TBCEL: variants seen among roughly 807,000 people sequenced by gnomAD.
The protein encoded by TBCEL is tubulin folding cofactor E like, also known as tubulin-specific chaperone cofactor E-like protein.
A neutral mutation model predicts 44.2 loss-of-function variants in TBCEL; 15 were observed. That is an observed-to-expected ratio of 0.34 (90% CI 0.23 to 0.52). TBCEL has a LOEUF of 0.52. TBCEL is among the 20% of genes least tolerant of loss of function. TBCEL has a pLI of 0.95. For missense variants in TBCEL, 319 were observed against 506.3 expected (o/e 0.63, Z 3.55); for synonymous variants, 171 against 185.4 (o/e 0.92, Z 0.63).
intron 8 of TBCEL, among the ~76,000 whole-genome samples, chr11:121,069,696 G>A (rs1945888963): frequency 1.3e-5 from 2 of 152,112 alleles, no homozygotes; most frequent in Non-Finnish European, 2.9e-5. Context: ...AGAGACTGAG[G>A]CAGGATAATC....
chr11:121,053,695 T>G lies in TBCEL; in HGVS notation c.418T>G (p.Trp140Gly), dbSNP rs754306355. The G allele has an allele frequency of 6.2e-7, 1 of 1,612,128 alleles. No homozygotes were observed. Among genetic ancestry groups the G allele is most frequent in the Admixed American group, 1.7e-5 (1 of 59,756 alleles). Residue 140 changes from tryptophan to glycine, a missense_variant, in exon 5 of 9, where the codon TGG becomes GGG. Physicochemically the swap from Trp to Gly is radical, Grantham distance 184. Coordinates refer to ENST00000683345, the MANE Select transcript of TBCEL (RefSeq NM_001363644.2). ...TGTCCTCAACAACAGCAAAGCTTCT[T>G]GGGAGACGGTCCACATGATACTACA... Reference protein sequence around the residue: ...KLVLNNSKASWETVHMILQEL... With the variant: ...KLVLNNSKASGETVHMILQEL...
At chr11:121,041,534 T>G (rs570217017) in intron 2 of TBCEL, among the ~76,000 whole-genome samples, 1 of 152,156 alleles carries the variant, frequency 6.6e-6, no homozygotes, top group Admixed American at 6.5e-5. Flanking sequence ...TTCAGAACAG[T>G]TTTACAAATG....
At chr11:121,081,561 A>T (rs1209255108) in intron 8 of TBCEL, among the ~76,000 whole-genome samples, 1 of 152,250 alleles carries the variant, frequency 6.6e-6, no homozygotes, top group East Asian at 1.9e-4. Flanking sequence ...TACTTCAGGA[A>T]GACATTGGAA....
chr11:121,024,585 G>A (rs1368191048), intron 1 of TBCEL, among the ~76,000 whole-genome samples: 2 of 152,138 alleles, frequency 1.3e-5, no homozygotes, highest in Non-Finnish European at 2.9e-5. Flanking sequence ...AGGGCGTGTT[G>A]GGGAGCCTGC....
intron 5 of TBCEL, among the ~76,000 whole-genome samples, chr11:121,054,344 T>A (rs1252653529): frequency 6.6e-6 from 1 of 151,908 alleles, no homozygotes; most frequent in Non-Finnish European, 1.5e-5. Flanking sequence ...AATTTCACAC[T>A]CTTCATCTTA....
chr11:121,063,137 A>G (rs1047410897), intron 8 of TBCEL, among the ~76,000 whole-genome samples: 8 of 152,096 alleles, frequency 5.3e-5, no homozygotes, highest in Middle Eastern at 3.2e-3. Context: ...CCAACTGGCT[A>G]TGTTTAGGAC....
chr11:121,054,933 A>G (rs1227048276), intron 5 of TBCEL, 119 bp from the exon 6 acceptor site: 2 of 1,067,788 alleles, frequency 1.9e-6, no homozygotes, highest in Non-Finnish European at 2.5e-6. Context: ...TTTCTCCACA[A>G]TTCCTAGCAG....
chr11:121,087,027 C>T lies in TBCEL; in HGVS notation c.1206C>T (p.Ser402=). The T allele has an allele frequency of 6.2e-7, 1 of 1,614,124 alleles. No individual in the cohort carries two copies. The highest frequency in any genetic ancestry group is 1.3e-5 in the African/African-American group (1 of 75,066). ...TTGGCCCAGAGGAAATGAAGTACAG[C>T]TCTCGGGCATTGCATTCCTTTGGCA... The part of the protein sequence containing the change: ...APFGPEEMKY[S]SRALHSFGIR... Residue 402 remains serine, a synonymous_variant, in exon 9 of 9, where the codon AGC becomes AGT. Coordinates refer to ENST00000683345, the MANE Select transcript of TBCEL (RefSeq NM_001363644.2).
chr11:121,084,161 A>T (rs1225979145), intron 8 of TBCEL, among the ~76,000 whole-genome samples: 3 of 152,224 alleles, frequency 2.0e-5, no homozygotes, highest in Admixed American at 1.3e-4. Flanking sequence ...TGCACTGGGT[A>T]TTAAGTTTCC....
At chr11:121,057,661 A>C (rs1392995242) in intron 6 of TBCEL, 1 of 452,596 alleles carries the variant, frequency 2.2e-6, no homozygotes. Flanking sequence ...TCTTGTCATT[A>C]TTCCCTAAAC....
chr11:121,054,385 T>A (rs984010120), intron 5 of TBCEL, among the ~76,000 whole-genome samples: 3 of 151,884 alleles, frequency 2.0e-5, no homozygotes, highest in African/African-American at 7.2e-5. Flanking sequence ...CTAACTCTAA[T>A]GAGATTGGTT....
intron 8 of TBCEL, 56 bp downstream of exon 8, chr11:121,060,141 C>T (rs930456993): frequency 3.9e-6 from 5 of 1,287,292 alleles, no homozygotes; most frequent in Non-Finnish European, 5.6e-6. Context: ...CAGTTAAGAA[C>T]TCTAGTGTTA....
chr11:121,043,548 A>G (rs1399628493), intron 2 of TBCEL, among the ~76,000 whole-genome samples: 1 of 152,082 alleles, frequency 6.6e-6, no homozygotes, highest in African/African-American at 2.4e-5. Flanking sequence ...TCTTCTAGGA[A>G]AAAGTACGGG....
chr11:121,040,441 G>A (rs1945310833), intron 2 of TBCEL, among the ~76,000 whole-genome samples: 1 of 152,078 alleles, frequency 6.6e-6, no homozygotes, highest in Admixed American at 6.5e-5. Flanking sequence ...GGTAAAGAAG[G>A]GCAGAACGCT....
chr11:121,081,206 C>G (rs923570543), intron 8 of TBCEL, among the ~76,000 whole-genome samples: 4 of 152,184 alleles, frequency 2.6e-5, no homozygotes, highest in African/African-American at 7.2e-5. Context: ...TTATCACTCT[C>G]AGTTGCCCAC....
chr11:121,037,055 T>G (rs1945244220), intron 2 of TBCEL, among the ~76,000 whole-genome samples: 1 of 151,892 alleles, frequency 6.6e-6, no homozygotes, highest in Non-Finnish European at 1.5e-5. Context: ...TGATCAGGAG[T>G]CCAAATTCAC....
At chr11:121,025,669 C>CATTCTGT (rs1945032821) in intron 1 of TBCEL, among the ~76,000 whole-genome samples, 2 of 151,858 alleles carry the variant, frequency 1.3e-5, no homozygotes. Context: ...AATCAGTGTC[C>CATTCTGT]TCATTCTGTA....
In TBCEL at chr11:121,030,992, T is replaced by G. The variant is rs189505393; in HGVS notation, c.-125-5513T>G. Among the ~76,000 whole-genome samples, 308 of 152,308 alleles carry G rather than the reference T, an allele frequency of 2.0e-3. 4 individuals carry two copies. The highest frequency in any genetic ancestry group is 4.4e-4 in the Non-Finnish European group (30 of 68,028). ...GGAAGTAGGCATAATGAACTACCAA[T>G]TGTTAATTTCCATTGCTGTGTAACA... On this transcript the variant is annotated intron_variant, in intron 1 of 8. Transcript: ENST00000683345.
chr11:121,088,775 T>G lies in TBCEL; in HGVS notation c.*1679T>G, dbSNP rs1371964588. 6.6e-6 allele frequency: 1 copy of G among 152,188 alleles called. No homozygotes were observed. Among genetic ancestry groups the G allele is most frequent in the Non-Finnish European group, 1.5e-5 (1 of 68,030 alleles). The allele number at this position is 152,188 out of a possible 1,614,324, so 9.4% of individuals were successfully genotyped here. A position where few individuals can be genotyped will look rare whatever the true frequency, so the allele number is the denominator to read the frequency against. On this transcript the variant is annotated 3_prime_UTR_variant, in exon 9 of 9. Transcript: ENST00000683345. The stretch of plus-strand genomic sequence containing the variant: ...GCAGATGTTTATTCTCTTAATGCAC[T>G]TCAGGTTTGCTATCTGTAAAGCCTT...
Sources: gnomAD v4.1 joint callset for allele counts (sites outside exome capture counted in the v4.1 genomes callset) on GRCh38, gnomAD v4.1.1 for gene constraint, MANE v1.5 for transcripts, NCBI Gene and HGNC (gene_info 2026-07-23, HGNC 2026-07-21) for gene names.